BAZ2B: variants seen among roughly 807,000 people sequenced by gnomAD.
BAZ2B encodes bromodomain adjacent to zinc finger domain 2B.
In BAZ2B, 91 loss-of-function variants were observed where a neutral mutation model predicts 246.0. That is an observed-to-expected ratio of 0.37 (90% CI 0.31 to 0.44). The LOEUF (loss-of-function observed/expected upper bound fraction) is 0.44, where lower values mean the gene tolerates loss of function less well. Among genes scored for constraint, BAZ2B ranks in the 20% least tolerant of loss-of-function variants. The pLI, the probability that BAZ2B is intolerant of heterozygous loss-of-function variation, is 1.00. For synonymous variants in BAZ2B, 855 were observed against 860.0 expected (o/e 0.99, Z 0.10); for missense variants, 2,332 against 2,533.7 (o/e 0.92, Z 1.71).
chr2:159,602,565 A>G (rs982321910), intron 1 of BAZ2B, among the ~76,000 whole-genome samples: 13 of 152,238 alleles, frequency 8.5e-5, no homozygotes, highest in Admixed American at 7.2e-4. Flanking sequence ...TGAAAATACT[A>G]TACAATGATT....
chr2:159,540,128 T>C (rs1258035828), intron 2 of BAZ2B, among the ~76,000 whole-genome samples: 2 of 152,228 alleles, frequency 1.3e-5, no homozygotes, highest in African/African-American at 4.8e-5. Flanking sequence ...CTTCATCTTA[T>C]TGACCACAGT....
At chr2:159,549,917 G>A (rs978086900) in intron 2 of BAZ2B, among the ~76,000 whole-genome samples, 4 of 149,940 alleles carry the variant, frequency 2.7e-5, no homozygotes, top group Admixed American at 6.7e-5. Context: ...TCCGCCTCCC[G>A]AGTTCAAGCA....
chr2:159,709,154 A>G, the BAZ2B span, among the ~76,000 whole-genome samples: 1 of 151,692 alleles, frequency 6.6e-6, no homozygotes, highest in East Asian at 1.9e-4. Flanking sequence ...AGAAAAAAAA[A>G]AAGAAGCAGG....
intron 1 of BAZ2B, among the ~76,000 whole-genome samples, chr2:159,569,002 C>A (rs1683285181): frequency 1.4e-5 from 2 of 145,704 alleles, no homozygotes; most frequent in South Asian, 4.6e-4. Flanking sequence ...TTGAAATGAT[C>A]TTTTTTTTCT....
At chr2:159,391,779 GAT>G (rs35334995) in intron 20 of BAZ2B, among the ~76,000 whole-genome samples, 104,032 of 151,878 alleles carry the variant, frequency 0.68, 38,616 homozygotes, top group Non-Finnish European at 0.85. Flanking sequence ...AAGTCATATC[GAT>G]ATTTATGATA....
At chr2:159,402,160 A>C (rs1235045481) in intron 16 of BAZ2B, among the ~76,000 whole-genome samples, 1 of 152,168 alleles carries the variant, frequency 6.6e-6, no homozygotes, top group Non-Finnish European at 1.5e-5. Context: ...TAAAAACCCC[A>C]AAGTGGGCCA....
At chr2:159,462,054 T>C (rs1293465398) in intron 3 of BAZ2B, 3 of 239,168 alleles carry the variant, frequency 1.3e-5, no homozygotes, top group Admixed American at 5.2e-5. Context: ...GTAATGACCA[T>C]ATACCTTGTC....
chr2:159,316,872 G>A (rs571606293), downstream of BAZ2B, among the ~76,000 whole-genome samples: 5 of 151,690 alleles, frequency 3.3e-5, no homozygotes, highest in Admixed American at 2.0e-4. Flanking sequence ...GTGGTGGCAC[G>A]TGCTTGTAGT....
intron 2 of BAZ2B, among the ~76,000 whole-genome samples, chr2:159,538,996 T>C (rs2086334422): frequency 6.6e-6 from 1 of 152,230 alleles, no homozygotes; most frequent in African/African-American, 2.4e-5. Flanking sequence ...TTTTACATAT[T>C]TTTTGCAGCA....
chr2:159,524,223 C>T (rs908915045), intron 2 of BAZ2B, among the ~76,000 whole-genome samples: 1 of 152,016 alleles, frequency 6.6e-6, no homozygotes, highest in Non-Finnish European at 1.5e-5. Context: ...AGTTTGTGAC[C>T]AGCCTGGGCA....
chr2:159,341,006 G>A (rs2066597663), intron 31 of BAZ2B, among the ~76,000 whole-genome samples: 3 of 152,072 alleles, frequency 2.0e-5, no homozygotes, highest in Non-Finnish European at 2.9e-5. Context: ...AAAATGACAG[G>A]AGTAAGCACT....
intron 2 of BAZ2B, among the ~76,000 whole-genome samples, chr2:159,550,678 A>T (rs1432907080): frequency 1.3e-5 from 2 of 152,200 alleles, no homozygotes; most frequent in African/African-American, 4.8e-5. Flanking sequence ...CTGACATTTT[A>T]AATTTACTAG....
intron 1 of BAZ2B, among the ~76,000 whole-genome samples, chr2:159,564,513 G>C (rs935358847): frequency 6.6e-6 from 1 of 152,110 alleles, no homozygotes; most frequent in East Asian, 1.9e-4. Context: ...AGTAACTCAG[G>C]TAGAAATAAG....
chr2:159,389,641 T>C (rs2302926), intron 20 of BAZ2B, among the ~76,000 whole-genome samples, 156 bp from the exon 21 acceptor site: 48,540 of 152,054 alleles, frequency 0.32, 8,109 homozygotes, highest in South Asian at 0.46. Flanking sequence ...TTAATATCAA[T>C]ATTAGATTTG....
the BAZ2B span, among the ~76,000 whole-genome samples, chr2:159,664,062 T>C: frequency 3.4e-5 from 2 of 58,406 alleles, no homozygotes; most frequent in African/African-American, 1.3e-4. Flanking sequence ...GAGTGTGATA[T>C]TCCCCTTCCT....
intron 14 of BAZ2B, among the ~76,000 whole-genome samples, chr2:159,406,911 C>T (rs148928838): frequency 0.018 from 2,776 of 151,890 alleles, 92 homozygotes; most frequent in African/African-American, 0.059. Flanking sequence ...CCCGCCACCA[C>T]GCCCAGCTAA....
intron 2 of BAZ2B, among the ~76,000 whole-genome samples, chr2:159,543,339 G>T (rs966796833): frequency 6.6e-6 from 1 of 151,886 alleles, no homozygotes; most frequent in African/African-American, 2.4e-5. Context: ...ATGCTATTAG[G>T]CTAAATGTTC....
chr2:159,564,917 C>G (rs1192277155), intron 1 of BAZ2B, among the ~76,000 whole-genome samples: 1 of 152,186 alleles, frequency 6.6e-6, no homozygotes, highest in Admixed American at 6.5e-5. Flanking sequence ...GTCACCCAGG[C>G]TGGAGTGAAG....
At position 159,389,330 on chromosome 2, in the gene BAZ2B, T is replaced by G; in HGVS notation, c.3216+15A>C. 6.4e-7 allele frequency: 1 copy of G among 1,574,132 alleles called. No individual in the cohort carries two copies. The highest frequency in any genetic ancestry group is 8.6e-7 in the Non-Finnish European group (1 of 1,164,230). On this transcript the variant is annotated intron_variant, in intron 21 of 36. Transcript: ENST00000392783. ...AAACTTATGAATGAAATGGTGTACA[T>G]GACGTATAAATTACCTTTTGGTCTG...
Sources: allele counts gnomAD v4.1 joint callset (sites outside exome capture counted in the v4.1 genomes callset), GRCh38; gene constraint gnomAD v4.1.1; transcripts MANE v1.5; gene names NCBI Gene and HGNC (gene_info 2026-07-23, HGNC 2026-07-21).